Variants in SLC7A1 observed in about 807,000 individuals in gnomAD.
SLC7A1 encodes the protein solute carrier family 7 member 1.
In SLC7A1, 10 loss-of-function variants were observed where a neutral mutation model predicts 53.9. The ratio of observed to expected loss-of-function variants is 0.19; its 90% CI spans 0.11 to 0.31. The LOEUF is 0.31. Among genes scored for constraint, SLC7A1 ranks in the 10% least tolerant of loss-of-function variants. The pLI, the probability that SLC7A1 is intolerant of heterozygous loss-of-function variation, is 1.00. For synonymous variants in SLC7A1, 342 were observed against 338.7 expected (o/e 1.01, Z -0.11); for missense variants, 525 against 827.2 (o/e 0.63, Z 4.48).
intron 2 of SLC7A1, among the ~76,000 whole-genome samples, chr13:29,552,948 A>G (rs1187695333): frequency 1.3e-5 from 2 of 152,060 alleles, no homozygotes; most frequent in Non-Finnish European, 2.9e-5. Context: ...CAAATAGAAG[A>G]ATCAGATAAA....
intron 1 of SLC7A1, among the ~76,000 whole-genome samples, chr13:29,568,898 G>A (rs1871079819): frequency 6.6e-6 from 1 of 152,126 alleles, no homozygotes; most frequent in African/African-American, 2.4e-5. Flanking sequence ...TGACTCAGAC[G>A]CGCCTGAACA....
chr13:29,589,675 A>T (rs75843784), intron 1 of SLC7A1, among the ~76,000 whole-genome samples: 1,743 of 152,324 alleles, frequency 0.011, 18 homozygotes, highest in Non-Finnish European at 0.018. Context: ...ACCTGGACTC[A>T]GCCAGAAACA....
intron 4 of SLC7A1, among the ~76,000 whole-genome samples, chr13:29,531,962 G>A (rs1869182459): frequency 6.6e-6 from 1 of 152,156 alleles, no homozygotes; most frequent in African/African-American, 2.4e-5. Context: ...ACAATATATT[G>A]TTTCTTTAGT....
At chr13:29,581,166 T>C (rs1014978426) in intron 1 of SLC7A1, among the ~76,000 whole-genome samples, 1 of 152,182 alleles carries the variant, frequency 6.6e-6, no homozygotes, top group Non-Finnish European at 1.5e-5. Flanking sequence ...ACAACTGAGC[T>C]TAAGAACGTT....
chr13:29,569,566 G>T (rs1180987774), intron 1 of SLC7A1, among the ~76,000 whole-genome samples: 2 of 152,148 alleles, frequency 1.3e-5, no homozygotes, highest in Non-Finnish European at 2.9e-5. Flanking sequence ...TCACATGATA[G>T]CCCTCCTCCT....
intron 2 of SLC7A1, among the ~76,000 whole-genome samples, chr13:29,551,006 A>G (rs934664488): frequency 6.6e-6 from 1 of 152,218 alleles, no homozygotes; most frequent in African/African-American, 2.4e-5. Context: ...TTTCATCTTA[A>G]TGGAGTCTGA....
intron 1 of SLC7A1, among the ~76,000 whole-genome samples, chr13:29,587,808 C>T (rs1871947178): frequency 6.6e-6 from 1 of 152,218 alleles, no homozygotes; most frequent in South Asian, 2.1e-4. Flanking sequence ...GAAAGACCGT[C>T]AGCTCCAGAC....
At position 29,517,153 on chromosome 13, in the gene SLC7A1, G is replaced by A. The variant is rs1308496491; in HGVS notation, c.1668C>T (p.Leu556=). The A allele has an allele frequency of 1.9e-6, 3 of 1,607,590 alleles. No individual in the cohort carries two copies. The South Asian group carries it at 3.3e-5, about 18-fold the overall frequency. Residue 556 remains leucine (L), a synonymous_variant, in exon 11 of 13, where the codon CTC becomes CTT. Transcript: ENST00000380752. ...AGGCCGAGCTGCTCACCTTAAATGA[G>A]AGCTTGGTCTTGCTCTCGGGCTGCC... ...IWRQPESKTK[L]SFKVPFLPVL...
chr13:29,566,759 A>C (rs893630744), intron 1 of SLC7A1, among the ~76,000 whole-genome samples: 2 of 152,206 alleles, frequency 1.3e-5, no homozygotes, highest in Non-Finnish European at 2.9e-5. Context: ...ATACTATGTA[A>C]ATCAGATTTA....
At chr13:29,519,930 T>C (rs1868550541) in intron 8 of SLC7A1, among the ~76,000 whole-genome samples, 1 of 152,150 alleles carries the variant, frequency 6.6e-6, no homozygotes, top group African/African-American at 2.4e-5. Context: ...ACTGGGTTCT[T>C]ATGACTCTGA....
intron 1 of SLC7A1, among the ~76,000 whole-genome samples, chr13:29,569,308 C>G (rs1871097960): frequency 6.6e-6 from 1 of 152,206 alleles, no homozygotes; most frequent in Non-Finnish European, 1.5e-5. Flanking sequence ...ATCCCTTCCC[C>G]TCAGGTTGAG....
At chr13:29,545,270 C>T (rs901563602) in intron 2 of SLC7A1, among the ~76,000 whole-genome samples, 1 of 152,122 alleles carries the variant, frequency 6.6e-6, no homozygotes, top group Non-Finnish European at 1.5e-5. Flanking sequence ...TCTCCAAGCC[C>T]GTCTCCTCAC....
intron 1 of SLC7A1, among the ~76,000 whole-genome samples, chr13:29,571,377 C>A (rs1180737070): frequency 6.6e-6 from 1 of 152,066 alleles, no homozygotes; most frequent in Admixed American, 6.5e-5. Context: ...CATTTTATGG[C>A]CGATTTTAAT....
At chr13:29,534,960 G>A (rs2802249) in intron 3 of SLC7A1, among the ~76,000 whole-genome samples, 110,710 of 152,082 alleles carry the variant, frequency 0.73, 41,914 homozygotes, top group Non-Finnish European at 0.85. Context: ...CTGGCAAACC[G>A]GAAAGATTTT....
intron 1 of SLC7A1, among the ~76,000 whole-genome samples, chr13:29,583,331 C>T (rs564811424): frequency 2.4e-4 from 37 of 152,338 alleles, no homozygotes; most frequent in Admixed American, 1.3e-3. Context: ...ACAAAGCATC[C>T]GTGTTGAGAA....
intron 3 of SLC7A1, 86 bp downstream of exon 3, chr13:29,535,733 C>T: frequency 7.3e-7 from 1 of 1,378,942 alleles, no homozygotes; most frequent in South Asian, 1.3e-5. Context: ...AGAATGACCT[C>T]CCTGTGGGGC....
chr13:29,527,128 A>G (rs1460143375), intron 5 of SLC7A1, among the ~76,000 whole-genome samples: 2 of 152,190 alleles, frequency 1.3e-5, no homozygotes, highest in Non-Finnish European at 2.9e-5. Context: ...TGCAAGGTGC[A>G]GAACAATATA....
At chr13:29,520,109 C>T (rs1868562005) in intron 8 of SLC7A1, among the ~76,000 whole-genome samples, 1 of 152,094 alleles carries the variant, frequency 6.6e-6, no homozygotes, top group African/African-American at 2.4e-5. Flanking sequence ...GCCCATCTCC[C>T]ATCCATCTCA....
intron 2 of SLC7A1, among the ~76,000 whole-genome samples, chr13:29,550,452 G>A (rs1187667162): frequency 2.0e-5 from 3 of 152,264 alleles, no homozygotes; most frequent in Non-Finnish European, 4.4e-5. Flanking sequence ...AAGGTGACCT[G>A]TGCTGGGCTG....
Sources: gnomAD v4.1 joint callset for allele counts (sites outside exome capture counted in the v4.1 genomes callset) on GRCh38, gnomAD v4.1.1 for gene constraint, MANE v1.5 for transcripts, NCBI Gene and HGNC (gene_info 2026-07-23, HGNC 2026-07-21) for gene names.